The following CCDC171 variants were observed in gnomAD, a reference collection of about 807,000 sequenced individuals.
CCDC171 encodes the protein coiled-coil domain containing 171.
A neutral mutation model predicts 168.2 loss-of-function variants in CCDC171; 177 were observed. That is an observed-to-expected ratio of 1.05 (90% confidence interval 0.93 to 1.19). The LOEUF (loss-of-function observed/expected upper bound fraction) is 1.19. Ranked by LOEUF, CCDC171 falls within the 50% of genes most tolerant of loss-of-function variation. The probability of loss-of-function intolerance (pLI) is 0.00; values close to 1 mark genes in which losing one functional copy is unlikely to be tolerated. For missense variants in CCDC171, 1,991 were observed against 1,539.0 expected, an observed-to-expected ratio of 1.29 and a Z score of -4.91; for synonymous variants, 687 against 540.8, an observed-to-expected ratio of 1.27 and a Z score of -3.75.
At position 15,821,920 on chromosome 9, in the gene CCDC171, C is replaced by G. The variant is rs1445424614; in HGVS notation, c.3268-24782C>G. ...AACAAAGCTGGAGGCATCACGCTAC[C>G]TGACTTCAAACTATACAACAAGGCT... On this transcript the variant is annotated intron_variant, in intron 21 of 25. Transcript: ENST00000380701. Among the ~76,000 whole-genome samples the G allele has an allele frequency of 4.1e-5, 2 of 49,052 alleles. 1 individual carries two copies. Among genetic ancestry groups the G allele is most frequent in the Non-Finnish European group, 1.0e-4 (2 of 19,548 alleles). The allele number at this position is 49,052 out of a possible 152,430, so 32.2% of individuals were successfully genotyped here.
At position 15,873,552 on chromosome 9, in the gene CCDC171, C is replaced by T. The variant is rs575638784; in HGVS notation, c.3469-980C>T. Among the ~76,000 whole-genome samples the T allele has an allele frequency of 7.8e-4, 118 of 151,934 alleles. 1 individual carries two copies. The highest frequency in any genetic ancestry group is 1.0e-3 in the Admixed American group (16 of 15,248). The stretch of plus-strand genomic sequence containing the variant: ...AATAGATAAAATTTTAAAACCTATT[C>T]CAAGCATAAGGAAAGTTAGAAAATA... On this transcript the variant is annotated intron_variant, in intron 23 of 25. Coordinates refer to ENST00000380701, the MANE Select transcript of CCDC171 (RefSeq NM_173550.4).
chr9:15,885,580 T>C (rs866730169), intron 24 of CCDC171: 23 of 152,214 alleles, frequency 1.5e-4, no homozygotes, highest in African/African-American at 5.5e-4. Flanking sequence ...AAGGGTTATC[T>C]ACAAATGAGT....
chr9:15,829,812 C>G (rs1261906568), intron 21 of CCDC171, among the ~76,000 whole-genome samples: 1 of 152,014 alleles, frequency 6.6e-6, no homozygotes, highest in Non-Finnish European at 1.5e-5. Flanking sequence ...CCAAGCTACT[C>G]AAGAAACGGA....
intron 3 of CCDC171, among the ~76,000 whole-genome samples, chr9:16,006,244 C>T (rs1157807081): frequency 6.6e-6 from 1 of 152,182 alleles, no homozygotes; most frequent in East Asian, 1.9e-4. Flanking sequence ...AGTTTCCCCA[C>T]ATCCTAACAC....
At chr9:16,029,058 C>T (rs1222302526) in intron 6 of CCDC171, among the ~76,000 whole-genome samples, 1 of 151,960 alleles carries the variant, frequency 6.6e-6, no homozygotes, top group Non-Finnish European at 1.5e-5. Flanking sequence ...AATAATGTAT[C>T]TAGTGTCCAA....
intron 21 of CCDC171, among the ~76,000 whole-genome samples, chr9:15,785,333 T>C (rs1449533801): frequency 6.6e-6 from 1 of 152,098 alleles, no homozygotes; most frequent in Non-Finnish European, 1.5e-5. Flanking sequence ...TACGTTGGAA[T>C]GGAACTAAAT....
At position 15,928,849 on chromosome 9, in the gene CCDC171, C is replaced by G. The variant is rs138007090; in HGVS notation, c.3753+8427C>G. Among the ~76,000 whole-genome samples the G allele has an allele frequency of 2.0e-5, 3 of 151,610 alleles. No individual in the cohort carries two copies. In the East Asian group the frequency reaches 5.8e-4, roughly 30 times the overall value. On this transcript the variant is annotated intron_variant, in intron 25 of 25. Transcript: ENST00000380701. ...AAAGGTTTCTCATATTCTAGAAACT[C>G]AAGAGTTGTTTGTATAGGAAACAGG... is the stretch of plus-strand genomic sequence containing the variant.
chr9:15,691,546 T>TATA (rs1554762228), intron 10 of CCDC171, among the ~76,000 whole-genome samples: 1,206 of 106,376 alleles, frequency 0.011, 22 homozygotes, highest in African/African-American at 0.023. Context: ...TATATGTTTT[T>TATA]TATATATATA....
At chr9:15,628,469 C>T (rs986759123) in intron 7 of CCDC171, among the ~76,000 whole-genome samples, 1 of 152,166 alleles carries the variant, frequency 6.6e-6, no homozygotes, top group African/African-American at 2.4e-5. Context: ...GGCAGCGAGG[C>T]TAGGGGAGGG....
intron 18 of CCDC171, among the ~76,000 whole-genome samples, chr9:15,750,603 A>T (rs963385341): frequency 6.7e-6 from 1 of 150,112 alleles, no homozygotes; most frequent in Non-Finnish European, 1.5e-5. Context: ...CAGCACATCA[A>T]AAATGCAAGG....
intron 4 of CCDC171, among the ~76,000 whole-genome samples, chr9:15,590,054 A>G (rs573693214): frequency 6.6e-6 from 1 of 152,208 alleles, no homozygotes. Flanking sequence ...TTTCAGAAAA[A>G]TAAAGACAGA....
chr9:16,098,285 C>T, the CCDC171 span, among the ~76,000 whole-genome samples: 5,801 of 152,258 alleles, frequency 0.038, 145 homozygotes, highest in African/African-American at 0.066. Flanking sequence ...TGAACATGTG[C>T]TTTAAAGTGT....
intron 3 of CCDC171, among the ~76,000 whole-genome samples, chr9:16,013,805 A>C (rs1043923481): frequency 6.6e-6 from 1 of 152,236 alleles, no homozygotes; most frequent in Non-Finnish European, 1.5e-5. Context: ...TAGTCTGTTA[A>C]GACATTATGT....
intron 3 of CCDC171, among the ~76,000 whole-genome samples, chr9:15,991,873 A>C (rs938324525): frequency 7.2e-5 from 11 of 152,286 alleles, no homozygotes; most frequent in African/African-American, 2.4e-4. Flanking sequence ...CCCAAGACTA[A>C]ATCAGGGAGA....
chr9:15,919,568 C>G (rs889786886), intron 24 of CCDC171, among the ~76,000 whole-genome samples: 1 of 151,258 alleles, frequency 6.6e-6, no homozygotes, highest in East Asian at 1.9e-4. Context: ...TAATAGTATC[C>G]TGGACTTAAA....
intron 9 of CCDC171, among the ~76,000 whole-genome samples, chr9:15,673,225 A>T (rs200857473): frequency 5.3e-5 from 8 of 152,156 alleles, no homozygotes; most frequent in Non-Finnish European, 8.8e-5. Context: ...TTGCTGAAGT[A>T]GCTTATCAGT....
chr9:15,807,763 A>G (rs1458717946), intron 21 of CCDC171, among the ~76,000 whole-genome samples: 1 of 151,634 alleles, frequency 6.6e-6, no homozygotes, highest in African/African-American at 2.4e-5. Context: ...TCCTCTCCAG[A>G]ACTCTGTACT....
At chr9:16,017,339 G>A (rs900618547) in intron 3 of CCDC171, among the ~76,000 whole-genome samples, 3 of 151,920 alleles carry the variant, frequency 2.0e-5, no homozygotes, top group African/African-American at 7.3e-5. Context: ...AAACTCAGTA[G>A]AATCATGTAA....
At chr9:15,638,345 G>A (rs2046353034) in intron 7 of CCDC171, among the ~76,000 whole-genome samples, 1 of 152,086 alleles carries the variant, frequency 6.6e-6, no homozygotes, top group African/African-American at 2.4e-5. Context: ...TAATGAACAA[G>A]AAGTTAAATT....
Sources: gnomAD v4.1 joint callset for allele counts (sites outside exome capture counted in the v4.1 genomes callset) on GRCh38, gnomAD v4.1.1 for gene constraint, MANE v1.5 for transcripts, NCBI Gene and HGNC (gene_info 2026-07-23, HGNC 2026-07-21) for gene names.